The following C1orf105 variants were observed in gnomAD, a reference collection of about 807,000 sequenced individuals.
C1orf105 encodes the protein uncharacterized protein C1orf105.
In C1orf105, 17 loss-of-function variants were observed where a neutral mutation model predicts 20.8. The ratio of observed to expected loss-of-function variants is 0.82; its 90% CI spans 0.56 to 1.23. The LOEUF (loss-of-function observed/expected upper bound fraction) is 1.23, where lower values mean the gene tolerates loss of function less well. C1orf105 is among the 50% of genes most tolerant of loss of function. The pLI, the probability that C1orf105 is intolerant of heterozygous loss-of-function variation, is 0.00. For synonymous variants in C1orf105, 72 were observed against 72.1 expected (o/e 1.00, Z 0.01); for missense variants, 219 against 213.5 (o/e 1.03, Z -0.16).
chr1:172,458,221 G>T (rs1649445631), intron 4 of C1orf105, among the ~76,000 whole-genome samples: 1 of 152,116 alleles, frequency 6.6e-6, no homozygotes, highest in Non-Finnish European at 1.5e-5. Flanking sequence ...ATACATTCTA[G>T]CCAGAAAGAT....
intron 6 of C1orf105, 40 bp from the exon 7 acceptor site, chr1:172,468,409 G>C (rs1256175336): frequency 6.5e-7 from 1 of 1,532,980 alleles, no homozygotes; most frequent in Admixed American, 1.8e-5. Context: ...TAGAATCTAA[G>C]TAGTCCTTAT....
At chr1:172,434,621 T>G (rs1438407966) in intron 1 of C1orf105, among the ~76,000 whole-genome samples, 3 of 152,204 alleles carry the variant, frequency 2.0e-5, no homozygotes, top group South Asian at 2.1e-4. Flanking sequence ...GAGGGAAATT[T>G]ATAGCACTAA....
At chr1:172,440,469 C>T (rs952620970) in intron 1 of C1orf105, among the ~76,000 whole-genome samples, 2 of 152,226 alleles carry the variant, frequency 1.3e-5, no homozygotes, top group African/African-American at 2.4e-5. Context: ...GAGGTAGATA[C>T]TTTTATTCCC....
At chr1:172,465,575 C>A in intron 6 of C1orf105, 1 of 667,870 alleles carries the variant, frequency 1.5e-6, no homozygotes, top group Non-Finnish European at 2.8e-6. Context: ...TCAGGCCTCA[C>A]TTGCCCTTAT....
At chr1:172,454,850 G>C (rs1407838328) in intron 3 of C1orf105, among the ~76,000 whole-genome samples, 1 of 152,188 alleles carries the variant, frequency 6.6e-6, no homozygotes, top group Non-Finnish European at 1.5e-5. Context: ...TAGGCTACTG[G>C]ATGGTGAGCA....
At chr1:172,460,360 G>A (rs1355884615) in intron 4 of C1orf105, among the ~76,000 whole-genome samples, 1 of 152,162 alleles carries the variant, frequency 6.6e-6, no homozygotes, top group African/African-American at 2.4e-5. Flanking sequence ...CCTGCTGACA[G>A]TTATGGTTGT....
At chr1:172,440,541 C>T (rs984100125) in intron 1 of C1orf105, among the ~76,000 whole-genome samples, 1 of 152,082 alleles carries the variant, frequency 6.6e-6, no homozygotes, top group Non-Finnish European at 1.5e-5. Flanking sequence ...AATTTATTTC[C>T]GCCTTAGACA....
intron 5 of C1orf105, among the ~76,000 whole-genome samples, chr1:172,464,061 G>A (rs995743905): frequency 1.3e-5 from 2 of 151,204 alleles, no homozygotes; most frequent in Non-Finnish European, 3.0e-5. Context: ...CTGAAATTGT[G>A]GTTTTTTAAA....
Position 172,468,581 on chromosome 1 carries a change from C to T in C1orf105, c.539C>T (p.Thr180Ile). The change falls in exon 7 of 7, where the codon ACA becomes ATA. Residue 180 changes from threonine (T) to isoleucine (I), a missense_variant. By Grantham distance (89) the Thr-to-Ile change is moderately conservative. Coordinates refer to ENST00000367727, the MANE Select transcript of C1orf105 (RefSeq NM_139240.4). ...CCCAGAAAGGAACCAATAGGCAAGA[C>T]AACGAGGCAGTGAGCGGTAGGAGCT... The part of the protein sequence containing the change: ...SLPRKEPIGK[T>I]TRQ 3 of 1,613,480 alleles carry T rather than the reference C, an allele frequency of 1.9e-6. No homozygotes were observed. The highest frequency in any genetic ancestry group is 1.7e-4 in the Middle Eastern group (1 of 6,054).
chr1:172,468,453 C>A lies in C1orf105; in HGVS notation c.411C>A (p.Ser137Arg). The A allele has an allele frequency of 6.2e-7, 1 of 1,610,374 alleles. No individual in the cohort carries two copies. The highest frequency in any genetic ancestry group is 8.5e-7 in the Non-Finnish European group (1 of 1,177,766). ...EPFHDDIPTESIHYRLPILGP... is the reference protein window; with the variant it reads ...EPFHDDIPTERIHYRLPILGP... ...CCTTCTTGTACTGTCATCCAGAAAGCATTCACTACAGACTGCCCATTCTGG... is the reference window on the plus strand; with the variant it reads ...CCTTCTTGTACTGTCATCCAGAAAGAATTCACTACAGACTGCCCATTCTGG... Residue 137 changes from serine to arginine, a missense_variant, in exon 7 of 7, where the codon AGC becomes AGA. By Grantham distance (110) the Ser-to-Arg change is moderately radical (BLOSUM62 -1). Transcript: ENST00000367727.
intron 2 of C1orf105, 114 bp downstream of exon 2, chr1:172,445,272 C>A (rs1647859848): frequency 1.2e-6 from 1 of 804,372 alleles, no homozygotes; most frequent in Non-Finnish European, 2.0e-6. Flanking sequence ...TTGAGAAACT[C>A]AAGTCAAGTG....
chr1:172,451,734 T>C (rs930507584), intron 3 of C1orf105, among the ~76,000 whole-genome samples: 2 of 152,162 alleles, frequency 1.3e-5, no homozygotes, highest in African/African-American at 4.8e-5. Context: ...CTTTATTTTT[T>C]TAAATGGCTG....
At chr1:172,430,020 G>C (rs2071827030) in intron 1 of C1orf105, among the ~76,000 whole-genome samples, 5 of 152,158 alleles carry the variant, frequency 3.3e-5, no homozygotes, top group Admixed American at 2.6e-4. Context: ...TGGGAGGAAG[G>C]GGTGTAGAGG....
chr1:172,468,784 A>G lies in C1orf105; in HGVS notation c.*190A>G, dbSNP rs1650250347. ...CTTTCTCACGTCTCCTAAAGACAAA[A>G]TTGTTTAATTTACATGATTATAAAG... On this transcript the variant is annotated 3_prime_UTR_variant, in exon 7 of 7. Coordinates refer to ENST00000367727, the MANE Select transcript of C1orf105 (RefSeq NM_139240.4). The G allele has an allele frequency of 2.1e-6, 1 of 485,378 alleles. No homozygotes were observed. Among genetic ancestry groups the G allele is most frequent in the African/African-American group, 1.9e-5 (1 of 51,734 alleles). The allele number at this position is 485,378 out of a possible 1,614,324, so 30.1% of individuals were successfully genotyped here.
At chr1:172,445,865 A>C (rs1334855520) in intron 2 of C1orf105, among the ~76,000 whole-genome samples, 4 of 152,238 alleles carry the variant, frequency 2.6e-5, no homozygotes, top group African/African-American at 7.2e-5. Flanking sequence ...CATAGAGGCC[A>C]TTCCAAAGGC....
chr1:172,430,312 A>G (rs1326930165), intron 1 of C1orf105: 1 of 702,214 alleles, frequency 1.4e-6, no homozygotes, highest in East Asian at 2.7e-5. Flanking sequence ...TTGTGCCAGC[A>G]GCCCACAAAG....
At chr1:172,433,762 T>C (rs1423757269) in intron 1 of C1orf105, among the ~76,000 whole-genome samples, 3 of 152,148 alleles carry the variant, frequency 2.0e-5, no homozygotes, top group Non-Finnish European at 4.4e-5. Context: ...AATATTAACT[T>C]TAAATGTAAA....
chr1:172,444,410 C>A, intron 1 of C1orf105: 1 of 561,336 alleles, frequency 1.8e-6, no homozygotes, highest in Non-Finnish European at 2.3e-6. Context: ...TGCGTTCATT[C>A]CACAGATACT....
chr1:172,459,088 T>C (rs139340145), intron 4 of C1orf105, among the ~76,000 whole-genome samples: 60 of 152,116 alleles, frequency 3.9e-4, no homozygotes, highest in African/African-American at 1.4e-3. Flanking sequence ...ACCATAAAAC[T>C]CTTAGAAGAA....
Sources: allele counts gnomAD v4.1 joint callset (sites outside exome capture counted in the v4.1 genomes callset), GRCh38; gene constraint gnomAD v4.1.1; transcripts MANE v1.5; gene names NCBI Gene and HGNC (gene_info 2026-07-23, HGNC 2026-07-21).